Variants in STAG1 observed in about 807,000 individuals in gnomAD.
The protein encoded by STAG1 is STAG1 cohesin complex component.
A neutral mutation model predicts 170.9 loss-of-function variants in STAG1; 26 were observed. The ratio of observed to expected loss-of-function variants is 0.15; its 90% CI spans 0.11 to 0.21. The LOEUF is 0.21. STAG1 is among the 10% of genes least tolerant of loss of function. STAG1 has a pLI of 1.00. For missense variants in STAG1, 964 were observed against 1,509.5 expected, an observed-to-expected ratio of 0.64 and a Z score of 5.99; for synonymous variants, 514 against 497.7, an observed-to-expected ratio of 1.03 and a Z score of -0.44.
intron 14 of STAG1, among the ~76,000 whole-genome samples, chr3:136,449,358 C>T (rs753227701): frequency 5.0e-4 from 76 of 152,010 alleles, no homozygotes; most frequent in Non-Finnish European, 7.2e-4. Flanking sequence ...GTTAGGAGTT[C>T]GAGACCAGCC....
chr3:136,476,719 A>C (rs1387891648), intron 10 of STAG1, among the ~76,000 whole-genome samples: 2 of 152,184 alleles, frequency 1.3e-5, no homozygotes, highest in African/African-American at 4.8e-5. Context: ...CTCTAATATT[A>C]TTTCTATTAC....
At chr3:136,579,132 T>C (rs535680648) in intron 4 of STAG1, among the ~76,000 whole-genome samples, 1 of 152,320 alleles carries the variant, frequency 6.6e-6, no homozygotes, top group East Asian at 1.9e-4. Context: ...TATAATAAAC[T>C]TAACTAGGTG....
chr3:136,369,567 A>G (rs1451248607), intron 23 of STAG1, among the ~76,000 whole-genome samples: 1 of 152,152 alleles, frequency 6.6e-6, no homozygotes, highest in African/African-American at 2.4e-5. Context: ...TTGAACTTTT[A>G]AAAAATGAGT....
At chr3:136,446,643 G>GA (rs2107767616) in intron 14 of STAG1, among the ~76,000 whole-genome samples, 1 of 152,102 alleles carries the variant, frequency 6.6e-6, no homozygotes, top group African/African-American at 2.4e-5. Flanking sequence ...GGCTGGTCCT[G>GA]AACTCCTGAC....
At chr3:136,704,428 G>A (rs750080370) in intron 1 of STAG1, among the ~76,000 whole-genome samples, 1 of 152,060 alleles carries the variant, frequency 6.6e-6, no homozygotes, top group African/African-American at 2.4e-5. Context: ...TAACTTAAAA[G>A]TAAAAGGATG....
At chr3:136,508,893 A>C (rs1022389176) in intron 7 of STAG1, among the ~76,000 whole-genome samples, 4 of 150,092 alleles carry the variant, frequency 2.7e-5, no homozygotes, top group African/African-American at 1.0e-4. Flanking sequence ...TGCGCGAGAG[A>C]GAGAGAGAGA....
At chr3:136,525,134 CT>C (rs1312160800) in intron 6 of STAG1, among the ~76,000 whole-genome samples, 14 of 152,186 alleles carry the variant, frequency 9.2e-5, no homozygotes, top group African/African-American at 3.1e-4. Flanking sequence ...AGGATTCCCT[CT>C]TTTTCGGTTG....
At chr3:136,653,745 C>T (rs954442405) in intron 1 of STAG1, among the ~76,000 whole-genome samples, 1 of 151,986 alleles carries the variant, frequency 6.6e-6, no homozygotes, top group African/African-American at 2.4e-5. Flanking sequence ...AAATACAACC[C>T]AAAAAAGTTG....
At chr3:136,627,794 T>C (rs1331592157) in intron 2 of STAG1, among the ~76,000 whole-genome samples, 1 of 152,190 alleles carries the variant, frequency 6.6e-6, no homozygotes, top group African/African-American at 2.4e-5. Context: ...GATCAAATCT[T>C]GTTTAAAAAA....
At chr3:136,439,710 C>A (rs1016166243) in intron 15 of STAG1, among the ~76,000 whole-genome samples, 8 of 152,198 alleles carry the variant, frequency 5.3e-5, no homozygotes, top group Admixed American at 5.2e-4. Flanking sequence ...ATGTGGTTTG[C>A]ATGTGGTACA....
chr3:136,380,003 T>C (rs1432149233), intron 22 of STAG1, among the ~76,000 whole-genome samples: 3 of 147,804 alleles, frequency 2.0e-5, no homozygotes, highest in African/African-American at 5.4e-5. Context: ...AGTAGTCACA[T>C]CTTTCGTTGA....
intron 6 of STAG1, among the ~76,000 whole-genome samples, chr3:136,533,863 A>G (rs550245036): frequency 6.6e-6 from 1 of 152,256 alleles, no homozygotes; most frequent in Non-Finnish European, 1.5e-5. Context: ...CAGTTCTCAC[A>G]GCAACAGAAA....
chr3:136,691,805 G>A (rs1942731122), intron 1 of STAG1, among the ~76,000 whole-genome samples: 1 of 152,156 alleles, frequency 6.6e-6, no homozygotes, highest in African/African-American at 2.4e-5. Context: ...CCAGCTACAG[G>A]GAAGAGGAAC....
chr3:136,392,781 A>AAG (rs1553799989), intron 22 of STAG1, among the ~76,000 whole-genome samples: 6 of 151,040 alleles, frequency 4.0e-5, no homozygotes, highest in South Asian at 2.1e-4. Flanking sequence ...AAAAAAAAAA[A>AAG]AAAAGAAAAG....
intron 21 of STAG1, among the ~76,000 whole-genome samples, chr3:136,409,689 T>A (rs2087573079): frequency 1.3e-5 from 2 of 152,160 alleles, no homozygotes; most frequent in South Asian, 4.1e-4. Context: ...GTCTGAAGAA[T>A]GTGTTCATGT....
chr3:136,736,800 C>A (rs1444523296), intron 1 of STAG1: 2 of 1,588,524 alleles, frequency 1.3e-6, no homozygotes, highest in Non-Finnish European at 1.7e-6. Context: ...GGATCATCCT[C>A]CTCTACAATT....
Position 136,468,792 on chromosome 3 carries a change from T to G in STAG1, c.1205+3621A>C, listed in dbSNP as rs1451784501. 2.6e-5 allele frequency among the ~76,000 whole-genome samples: 4 copies of G among 152,254 alleles called. No homozygotes were observed. In the East Asian group the frequency reaches 7.7e-4, roughly 29 times the overall value. On this transcript the variant is annotated intron_variant, in intron 12 of 33. Transcript: ENST00000383202. The stretch of plus-strand genomic sequence containing the variant: ...ACATCAAAAAGCTTAGCCACCATGA[T>G]CAAGTTGGCTTCATCCCTGGGATGC...
At chr3:136,382,660 C>T (rs1938039928) in intron 22 of STAG1, among the ~76,000 whole-genome samples, 1 of 152,146 alleles carries the variant, frequency 6.6e-6, no homozygotes, top group Non-Finnish European at 1.5e-5. Flanking sequence ...ATCTACCCGT[C>T]TTGGCCTCCC....
At chr3:136,584,722 T>TGA (rs1192690063) in intron 4 of STAG1, among the ~76,000 whole-genome samples, 1 of 152,186 alleles carries the variant, frequency 6.6e-6, no homozygotes, top group Non-Finnish European at 1.5e-5. Context: ...AGCCTCTGAG[T>TGA]GACAGGTGAA....
Sources: allele counts gnomAD v4.1 joint callset (sites outside exome capture counted in the v4.1 genomes callset), GRCh38; gene constraint gnomAD v4.1.1; transcripts MANE v1.5; gene names NCBI Gene and HGNC (gene_info 2026-07-23, HGNC 2026-07-21).